The following DPYD variants were observed in gnomAD, a reference collection of about 807,000 sequenced individuals.
DPYD encodes dihydropyrimidine dehydrogenase.
DPYD carries 109 observed loss-of-function variants against 116.2 expected under a neutral mutation model. The observed-to-expected ratio is 0.94, with a 90% confidence interval of 0.80 to 1.10. The LOEUF (loss-of-function observed/expected upper bound fraction) is 1.10, where lower values mean the gene tolerates loss of function less well. Among genes scored for constraint, DPYD ranks in the 50% least tolerant of loss-of-function variants. DPYD has a pLI of 0.00. For synonymous variants in DPYD, 440 were observed against 432.0 expected, an observed-to-expected ratio of 1.02 and a Z score of -0.23; for missense variants, 1,302 against 1,254.5, an observed-to-expected ratio of 1.04 and a Z score of -0.57.
At chr1:97,720,532 T>C (rs1382015395) in intron 5 of DPYD, 3 of 1,020,934 alleles carry the variant, frequency 2.9e-6, no homozygotes, top group Non-Finnish European at 3.5e-6. Context: ...TATTTTCTTA[T>C]TCCCAGGAGC....
chr1:97,524,126 C>T lies in DPYD; in HGVS notation c.1525-8185G>A, dbSNP rs933735243. Among the ~76,000 whole-genome samples, 68 of 151,980 alleles carry T rather than the reference C, an allele frequency of 4.5e-4. 1 individual carries two copies. Among genetic ancestry groups the T allele is most frequent in the Admixed American group, 4.6e-4 (7 of 15,258 alleles). On this transcript the variant is annotated intron_variant, in intron 12 of 22. Transcript: ENST00000370192. ...CTAAACTGTGTAACAGGCTCTGTAA[C>T]GGGGAGAAACCCAAGAAACTTATGG...
chr1:97,512,357 A>G (rs1647862868), intron 13 of DPYD, among the ~76,000 whole-genome samples: 1 of 151,920 alleles, frequency 6.6e-6, no homozygotes, highest in South Asian at 2.1e-4. Context: ...TTCATTTGAG[A>G]TATTTTCATA....
intron 19 of DPYD, 26 bp from the exon 20 acceptor site, chr1:97,193,274 A>C: frequency 6.2e-7 from 1 of 1,607,714 alleles, no homozygotes; most frequent in Non-Finnish European, 8.5e-7. Context: ...CAGTCAACCA[A>C]GTGTCAAACC....
At chr1:97,630,247 T>C (rs1193626729) in intron 8 of DPYD, among the ~76,000 whole-genome samples, 1 of 152,138 alleles carries the variant, frequency 6.6e-6, no homozygotes, top group Non-Finnish European at 1.5e-5. Flanking sequence ...ACATTTTTTA[T>C]ATTTTGCCCT....
intron 15 of DPYD, among the ~76,000 whole-genome samples, chr1:97,374,118 T>G (rs1467705783): frequency 2.0e-5 from 3 of 152,204 alleles, no homozygotes; most frequent in African/African-American, 7.2e-5. Context: ...ATGCTGGGAT[T>G]AGGCATACAA....
intron 20 of DPYD, among the ~76,000 whole-genome samples, chr1:97,173,201 T>C (rs1034688318): frequency 3.5e-5 from 5 of 144,762 alleles, no homozygotes; most frequent in East Asian, 2.0e-4. Flanking sequence ...TGTATATATG[T>C]GTACATATAT....
At chr1:97,549,796 CA>C in intron 11 of DPYD, 52 bp from the exon 12 acceptor site, 1 of 1,469,000 alleles carries the variant, frequency 6.8e-7, no homozygotes. Context: ...CAGACAATTC[CA>C]TAACAATAAT....
chr1:97,778,170 A>AAAAGAAAG (rs1553238265), intron 3 of DPYD, among the ~76,000 whole-genome samples: 1 of 88,630 alleles, frequency 1.1e-5, no homozygotes, highest in African/African-American at 4.3e-5. Flanking sequence ...AAAAAAAAAA[A>AAAAGAAAG]AAAGAAAGAA....
At chr1:97,784,317 A>T (rs1666906754) in intron 3 of DPYD, among the ~76,000 whole-genome samples, 1 of 152,120 alleles carries the variant, frequency 6.6e-6, no homozygotes, top group South Asian at 2.1e-4. Context: ...CCAATTTCTC[A>T]GCGCTTTATA....
At chr1:97,788,501 G>C (rs1667155585) in intron 3 of DPYD, among the ~76,000 whole-genome samples, 1 of 152,184 alleles carries the variant, frequency 6.6e-6, no homozygotes, top group African/African-American at 2.4e-5. Context: ...CACTGAAATA[G>C]TTTGAATGAG....
chr1:97,541,275 G>T (rs898223009), intron 12 of DPYD, among the ~76,000 whole-genome samples: 2 of 152,134 alleles, frequency 1.3e-5, no homozygotes, highest in Non-Finnish European at 2.9e-5. Flanking sequence ...TAGTTATATG[G>T]ATGCAAAAAG....
chr1:97,585,864 G>C (rs530134284), intron 10 of DPYD: 77 of 153,244 alleles, frequency 5.0e-4, no homozygotes, highest in South Asian at 3.5e-3. Flanking sequence ...GTGGCCAAAG[G>C]GAAGTTCAAC....
intron 3 of DPYD, among the ~76,000 whole-genome samples, chr1:97,812,452 T>A (rs1197879528): frequency 6.6e-6 from 1 of 152,122 alleles, no homozygotes; most frequent in East Asian, 1.9e-4. Context: ...GCAAGGAATG[T>A]GTGTGTATAA....
intron 12 of DPYD, among the ~76,000 whole-genome samples, chr1:97,520,284 C>T (rs1648549441): frequency 6.6e-6 from 1 of 151,960 alleles, no homozygotes; most frequent in Non-Finnish European, 1.5e-5. Context: ...TTTAAACTAC[C>T]AATAGTTCAT....
At chr1:97,660,936 C>A (rs1361589363) in intron 8 of DPYD, among the ~76,000 whole-genome samples, 1 of 152,080 alleles carries the variant, frequency 6.6e-6, no homozygotes, top group Non-Finnish European at 1.5e-5. Flanking sequence ...CTTTATCTTG[C>A]CATAAAATGT....
chr1:97,425,600 C>T (rs923437281), intron 14 of DPYD, among the ~76,000 whole-genome samples: 6 of 152,002 alleles, frequency 3.9e-5, no homozygotes, highest in Admixed American at 1.3e-4. Flanking sequence ...CAGATGTCTA[C>T]GAAGGCATCT....
intron 18 of DPYD, among the ~76,000 whole-genome samples, chr1:97,295,002 C>T (rs1165046031): frequency 6.6e-6 from 1 of 152,102 alleles, no homozygotes; most frequent in Non-Finnish European, 1.5e-5. Context: ...AATGAGTATA[C>T]TATATTTAGA....
chr1:97,803,038 T>C (rs1667919690), intron 3 of DPYD, among the ~76,000 whole-genome samples: 1 of 151,906 alleles, frequency 6.6e-6, no homozygotes, highest in African/African-American at 2.4e-5. Flanking sequence ...GAACATATTC[T>C]CTCAAACTGA....
chr1:97,917,272 CT>C (rs1473334826), intron 1 of DPYD, among the ~76,000 whole-genome samples: 2 of 152,026 alleles, frequency 1.3e-5, no homozygotes, highest in African/African-American at 4.8e-5. Context: ...TCTTTATTAT[CT>C]TTTTTGGATC....
Sources: allele counts gnomAD v4.1 joint callset (sites outside exome capture counted in the v4.1 genomes callset), GRCh38; gene constraint gnomAD v4.1.1; transcripts MANE v1.5; gene names NCBI Gene and HGNC (gene_info 2026-07-23, HGNC 2026-07-21).